The following ADAM11 variants were observed in gnomAD, a reference collection of about 807,000 sequenced individuals.
The protein encoded by ADAM11 is disintegrin and metalloproteinase domain-containing protein 11.
Under a neutral mutation model 119.1 loss-of-function variants are expected in ADAM11, and 49 were observed. That is an observed-to-expected ratio of 0.41 (90% CI 0.33 to 0.52). The LOEUF (loss-of-function observed/expected upper bound fraction) is 0.52. ADAM11 is among the 20% of genes least tolerant of loss of function. ADAM11 has a pLI of 0.20. For missense variants in ADAM11, 777 were observed against 1,047.5 expected (o/e 0.74, Z 3.56); for synonymous variants, 364 against 408.0 (o/e 0.89, Z 1.30).
intron 2 of ADAM11, 152 bp downstream of exon 2, chr17:44,760,049 C>A: frequency 1.2e-6 from 1 of 804,826 alleles, no homozygotes; most frequent in Non-Finnish European, 1.7e-6. Context: ...CTGGAGCCCA[C>A]TGGTGGGGAG....
rs1293839739 is a variant in ADAM11, at chr17:44,773,210, C to T, written c.826-51C>T. 6.2e-7 allele frequency: 1 copy of T among 1,604,812 alleles called. No individual in the cohort carries two copies. The highest frequency in any genetic ancestry group is 8.5e-7 in the Non-Finnish European group (1 of 1,172,830). On this transcript the variant is annotated intron_variant, in intron 10 of 26. Transcript: ENST00000200557. This position sits in a 1 kb window ranked among gnomAD's most constrained non-coding sequence, Gnocchi z 4.6. ...GAGAACAGACAGGCCCTCCTCCAGC[C>T]CTGGCCCCAACACCCACTCCCACCC...
At chr17:44,763,042 T>G (rs1008059702) in intron 2 of ADAM11, among the ~76,000 whole-genome samples, 3 of 151,844 alleles carry the variant, frequency 2.0e-5, no homozygotes, top group Non-Finnish European at 4.4e-5. Flanking sequence ...AGGCTGAGGC[T>G]GCAGGATCGC....
In ADAM11 at chr17:44,777,911, C is replaced by T. The variant is rs756314335; in HGVS notation, c.2071-41C>T. ...GGCGGGAGAAGCTTACAAGAGGGGA[C>T]AGGCCCCTGCTCACCTCTCCTGGCC... On this transcript the variant is annotated intron_variant, in intron 23 of 26. Coordinates refer to ENST00000200557, the MANE Select transcript of ADAM11 (RefSeq NM_002390.6). This position sits in a 1 kb window ranked among gnomAD's most constrained non-coding sequence, Gnocchi z 5.1. 2 of 1,613,648 alleles carry T rather than the reference C, an allele frequency of 1.2e-6. No individual in the cohort carries two copies. The highest frequency in any genetic ancestry group is 1.7e-6 in the Non-Finnish European group (2 of 1,179,864).
chr17:44,772,600 G>A lies in ADAM11; in HGVS notation c.678+134G>A. 1 of 1,225,498 alleles carries A rather than the reference G, an allele frequency of 8.2e-7. No individual in the cohort carries two copies. Among genetic ancestry groups the A allele is most frequent in the South Asian group, 1.5e-5 (1 of 67,822 alleles). 75.9% of individuals were successfully genotyped at this position (1,225,498 alleles called of 1,614,324 possible). On this transcript the variant is annotated intron_variant, in intron 8 of 26. Transcript: ENST00000200557. The surrounding 1 kb of genome is among the most constrained non-coding windows in gnomAD (Gnocchi z 4.5). The stretch of plus-strand genomic sequence containing the variant: ...AAGGCTCAGATGGATGTGGCTGGGG[G>A]CCAGGGACCGTGTCTGGGAGAAGCC...
rs745989413 is a variant in ADAM11 at position 44,763,595 on chromosome 17, C to T, written c.237+3698C>T. ...GGTGGTGCAGGTCAGGCAAGACTAC[C>T]GTGTCCAGTTGGGCTGGTTGTTCAC... On this transcript the variant is annotated intron_variant, in intron 2 of 26. Transcript: ENST00000200557. Among the ~76,000 whole-genome samples the T allele has an allele frequency of 5.3e-5, 8 of 152,196 alleles. No homozygotes were observed. The South Asian group carries it at 8.3e-4, about 16-fold the overall frequency.
At chr17:44,759,610 C>T in intron 1 of ADAM11, 112 bp from the exon 2 acceptor site, 2 of 1,306,136 alleles carry the variant, frequency 1.5e-6, no homozygotes, top group Non-Finnish European at 9.8e-7. Context: ...CCCGGATCGC[C>T]CTAGGGCTCC....
At chr17:44,770,167 C>T in intron 4 of ADAM11, 119 bp downstream of exon 4, 2 of 1,223,724 alleles carry the variant, frequency 1.6e-6, no homozygotes, top group Non-Finnish European at 2.3e-6. Context: ...GGCCTGGCCC[C>T]TCAGCACCTT....
chr17:44,778,927 C>A (rs1297114277), intron 25 of ADAM11, among the ~76,000 whole-genome samples: 1 of 152,022 alleles, frequency 6.6e-6, no homozygotes, highest in Non-Finnish European at 1.5e-5. Flanking sequence ...ATGCTTTGTG[C>A]GTGTCTAAGT....
At position 44,759,877 on chromosome 17, in the gene ADAM11, C is replaced by T. The variant is rs777015081; in HGVS notation, c.217C>T (p.Gln73Ter). The T allele has an allele frequency of 7.7e-7, 1 of 1,306,502 alleles. No homozygotes were observed. Among genetic ancestry groups the T allele is most frequent in the Non-Finnish European group, 9.8e-7 (1 of 1,019,964 alleles). The allele number at this position is 1,306,502 out of a possible 1,614,324, so 80.9% of individuals were successfully genotyped here. Residue 73 changes from glutamine (Q) to a stop codon, truncating the protein, a stop_gained, in exon 2 of 27, where the codon CAG becomes TAG. Coordinates refer to ENST00000200557, the MANE Select transcript of ADAM11 (RefSeq NM_002390.6). LOFTEE classifies it high-confidence loss of function. ...GCAGCAGCTGGACACAAGGGTCCGC[C>T]AGGAGCCACCAGGGGGCCCGGTGAG... ...RKQQLDTRVRQEPPGGPPVHL... is the reference protein window; with the variant it reads ...RKQQLDTRVR
Position 44,777,069 on chromosome 17 carries a change from G to C in ADAM11, c.1682-97G>C. ...GGCCCCCAAGTGTGTAGCTCCCCAG[G>C]ATCTCAGGGACCCAGGCAGAGTGTG... On this transcript the variant is annotated intron_variant, in intron 20 of 26. Coordinates refer to ENST00000200557, the MANE Select transcript of ADAM11 (RefSeq NM_002390.6). The surrounding 1 kb of genome is among the most constrained non-coding windows in gnomAD (Gnocchi z 5.1). The C allele has an allele frequency of 6.5e-7, 1 of 1,542,806 alleles. No individual in the cohort carries two copies. The highest frequency in any genetic ancestry group is 8.8e-7 in the Non-Finnish European group (1 of 1,137,176).
Position 44,774,312 on chromosome 17 carries a change from G to A in ADAM11, c.1010G>A (p.Ser337Asn). Reference sequence around the variant, plus strand: ...CCTTCCAGGGGCAGGACCTTCCAGAGCACGAGCAGCGGGGCAGCCTACGTG... The same window carrying A: ...CCTTCCAGGGGCAGGACCTTCCAGAACACGAGCAGCGGGGCAGCCTACGTG... ...THLFSGRTFQ[S>N]TSSGAAYVGG... The change falls in exon 12 of 27, where the codon AGC (serine) becomes AAC (asparagine). Residue 337 changes from serine (S) to asparagine (N), a missense_variant. Transcript: ENST00000200557. 6.8e-7 allele frequency: 1 copy of A among 1,472,156 alleles called. No homozygotes were observed. The highest frequency in any genetic ancestry group is 2.5e-5 in the East Asian group (1 of 39,978). 91.2% of individuals were successfully genotyped at this position (1,472,156 alleles called of 1,614,324 possible).
At chr17:44,762,073 C>T (rs2049396294) in intron 2 of ADAM11, among the ~76,000 whole-genome samples, 1 of 152,170 alleles carries the variant, frequency 6.6e-6, no homozygotes, top group Admixed American at 6.5e-5. Flanking sequence ...ATCTGCCCAC[C>T]TCGGCCTCCC....
At chr17:44,779,169 A>C (rs1598896407) in intron 25 of ADAM11, 53 bp from the exon 26 acceptor site, 1 of 1,567,228 alleles carries the variant, frequency 6.4e-7, no homozygotes, top group East Asian at 2.5e-5. Flanking sequence ...TGAGAGAAGC[A>C]AAAGGTCAGA....
Position 44,778,011 on chromosome 17 carries a change from T to C in ADAM11, c.2130T>C (p.Ser710=), listed in dbSNP as rs772071092. 2 of 1,613,980 alleles carry C rather than the reference T, an allele frequency of 1.2e-6. No individual in the cohort carries two copies. The highest frequency in any genetic ancestry group is 1.7e-6 in the Non-Finnish European group (2 of 1,179,988). Residue 710 remains serine, a synonymous_variant, in exon 24 of 27, where the codon AGT becomes AGC. Coordinates refer to ENST00000200557, the MANE Select transcript of ADAM11 (RefSeq NM_002390.6). ...CQPDWTGKDC[S]IHNPLPTSPP... ...CAGACTGGACAGGCAAAGACTGCAG[T>C]ATCCATAACCCCCTGCCCACGTCCC...
At position 44,774,578 on chromosome 17, in the gene ADAM11, G is replaced by A. The variant is rs750298452; in HGVS notation, c.1164G>A (p.Ser388=). Residue 388 remains serine, a synonymous_variant, in exon 13 of 27, where the codon TCG becomes TCA. Coordinates refer to ENST00000200557, the MANE Select transcript of ADAM11 (RefSeq NM_002390.6). The part of the protein sequence containing the change: ...LGMMWNKHRS[S]AGDCKCPDIW... Reference sequence around the variant, plus strand: ...TGATGTGGAACAAACACCGGAGCTCGGCAGGTATCCTCCCCCAGAGGCCCC... The same window carrying A: ...TGATGTGGAACAAACACCGGAGCTCAGCAGGTATCCTCCCCCAGAGGCCCC... The A allele has an allele frequency of 1.2e-6, 2 of 1,612,588 alleles. No individual in the cohort carries two copies. The highest frequency in any genetic ancestry group is 1.3e-5 in the African/African-American group (1 of 74,912).
At position 44,775,063 on chromosome 17, in the gene ADAM11, C is replaced by A; in HGVS notation, c.1221-149C>A. On this transcript the variant is annotated intron_variant, in intron 14 of 26. Transcript: ENST00000200557. The surrounding 1 kb of genome is among the most constrained non-coding windows in gnomAD (Gnocchi z 7.5). ...AGGGGATGGGAGCGACAGGGACAGGCGGGAGGATTCTGGTGCAATCCCGGG... is the reference window on the plus strand; with the variant it reads ...AGGGGATGGGAGCGACAGGGACAGGAGGGAGGATTCTGGTGCAATCCCGGG... The A allele has an allele frequency of 2.7e-6, 2 of 751,330 alleles. No homozygotes were observed. Among genetic ancestry groups the A allele is most frequent in the Non-Finnish European group, 4.4e-6 (2 of 455,520 alleles). The allele number at this position is 751,330 out of a possible 1,614,324, so 46.5% of individuals were successfully genotyped here. A position where few individuals can be genotyped will look rare whatever the true frequency, so the allele number is the denominator to read the frequency against.
At chr17:44,770,580 C>A (rs1023138933) in intron 4 of ADAM11, among the ~76,000 whole-genome samples, 1 of 152,102 alleles carries the variant, frequency 6.6e-6, no homozygotes, top group South Asian at 2.1e-4. Context: ...CCACTGGTCC[C>A]CCCAGCCCCA....
chr17:44,770,504 C>CG (rs1567690746), intron 4 of ADAM11, among the ~76,000 whole-genome samples: 1 of 142,058 alleles, frequency 7.0e-6, no homozygotes, highest in African/African-American at 2.6e-5. Flanking sequence ...CCCCCCGCCC[C>CG]CACTGCCTGT....
Position 44,776,301 on chromosome 17 carries a change from T to C in ADAM11, c.1566+94T>C. 1 of 1,329,458 alleles carries C rather than the reference T, an allele frequency of 7.5e-7. No homozygotes were observed. 82.4% of individuals were successfully genotyped at this position (1,329,458 alleles called of 1,614,324 possible). A position where few individuals can be genotyped will look rare whatever the true frequency, so the allele number is the denominator to read the frequency against. On this transcript the variant is annotated intron_variant, in intron 18 of 26. Coordinates refer to ENST00000200557, the MANE Select transcript of ADAM11 (RefSeq NM_002390.6). The surrounding 1 kb of genome is among the most constrained non-coding windows in gnomAD (Gnocchi z 5.2). The stretch of plus-strand genomic sequence containing the variant: ...CCCGGACGAGTGCTCAGCACTCCCC[T>C]CCTCTCCACAGCTGGCATCGACCTC...
Sources: allele counts gnomAD v4.1 joint callset (sites outside exome capture counted in the v4.1 genomes callset), GRCh38; gene constraint gnomAD v4.1.1; non-coding constraint Gnocchi (gnomAD v3.1); transcripts MANE v1.5; gene names NCBI Gene and HGNC (gene_info 2026-07-23, HGNC 2026-07-21).